Variants in PCDHGA5 observed in about 807,000 individuals in gnomAD.
The protein encoded by PCDHGA5 is protocadherin gamma-A5.
Under a neutral mutation model 56.7 loss-of-function variants are expected in PCDHGA5, and 36 were observed. The observed-to-expected ratio is 0.64, with a 90% CI of 0.49 to 0.84. The LOEUF (loss-of-function observed/expected upper bound fraction) is 0.84, where lower values mean the gene tolerates loss of function less well. Among genes scored for constraint, PCDHGA5 ranks in the 40% least tolerant of loss-of-function variants. PCDHGA5 has a pLI of 0.00. For synonymous variants in PCDHGA5, 563 were observed against 520.2 expected (o/e 1.08, Z -1.12); for missense variants, 1,305 against 1,201.5 (o/e 1.09, Z -1.27).
Position 141,394,271 on chromosome 5 carries a change from G to C in PCDHGA5, c.2421+27520G>C, listed in dbSNP as rs768847661. The stretch of plus-strand genomic sequence containing the variant: ...ACCCCGACAGCCAGGAGAATGCCCA[G>C]GTCACTTACTCTGTGACCGAGGACA... On this transcript the variant is annotated intron_variant, in intron 1 of 3. Transcript: ENST00000518069. 9 of 1,613,862 alleles carry C rather than the reference G, an allele frequency of 5.6e-6. No individual in the cohort carries two copies. In the South Asian group the frequency reaches 9.9e-5, roughly 18 times the overall value.
chr5:141,484,869 G>C (rs2154580238), intron 1 of PCDHGA5: 1 of 292,558 alleles, frequency 3.4e-6, no homozygotes, highest in African/African-American at 2.2e-5. Flanking sequence ...GGGGGAGCGT[G>C]GAGGATAGGG....
chr5:141,474,566 G>A (rs2154572064), intron 1 of PCDHGA5, among the ~76,000 whole-genome samples: 1 of 152,336 alleles, frequency 6.6e-6, no homozygotes, highest in Non-Finnish European at 1.5e-5. Flanking sequence ...GGTTTTCAGA[G>A]ATTAATTGAA....
chr5:141,382,342 T>A (rs1481008486), intron 1 of PCDHGA5, among the ~76,000 whole-genome samples: 1 of 152,250 alleles, frequency 6.6e-6, no homozygotes, highest in East Asian at 1.9e-4. Context: ...GTAAAATCTT[T>A]CATATGTATT....
At chr5:141,415,132 C>T (rs752622569) in intron 1 of PCDHGA5, 4 of 1,613,696 alleles carry the variant, frequency 2.5e-6, no homozygotes, top group Non-Finnish European at 3.4e-6. Flanking sequence ...CGTCCAGGAC[C>T]ACGGCCAGCC....
At chr5:141,383,757 T>A (rs557236350) in intron 1 of PCDHGA5, 1 of 1,613,992 alleles carries the variant, frequency 6.2e-7, no homozygotes, top group East Asian at 2.2e-5. Context: ...AAATAACTCC[T>A]AAACTTCCAA....
chr5:141,382,890 C>A, intron 1 of PCDHGA5: 2 of 1,532,810 alleles, frequency 1.3e-6, no homozygotes, highest in Non-Finnish European at 1.8e-6. Flanking sequence ...GCAAGAGAAG[C>A]AGGACGACTA....
At chr5:141,401,368 A>G (rs2094146364) in intron 1 of PCDHGA5, among the ~76,000 whole-genome samples, 3 of 152,186 alleles carry the variant, frequency 2.0e-5, no homozygotes, top group Admixed American at 2.0e-4. Flanking sequence ...GAAGGAGAGG[A>G]AGAAGAAGAA....
At chr5:141,394,727 C>A in intron 1 of PCDHGA5, 1 of 1,613,436 alleles carries the variant, frequency 6.2e-7, no homozygotes, top group East Asian at 2.2e-5. Flanking sequence ...GAGATGCGCT[C>A]AAGCAGAGCC....
Position 141,491,665 on chromosome 5 carries a change from C to G in PCDHGA5, c.2422-3142C>G. The stretch of plus-strand genomic sequence containing the variant: ...TCTGGCGCTGGAGCCTGACGCCATC[C>G]GGTCCCGCTCTAATACGCTGCGGGA... On this transcript the variant is annotated intron_variant, in intron 1 of 3. Transcript: ENST00000518069. This position sits in a 1 kb window ranked among gnomAD's most constrained non-coding sequence, Gnocchi z 6.9. 1 of 1,613,764 alleles carries G rather than the reference C, an allele frequency of 6.2e-7. No homozygotes were observed. Among genetic ancestry groups the G allele is most frequent in the Non-Finnish European group, 8.5e-7 (1 of 1,180,000 alleles).
At chr5:141,464,982 T>A (rs914697541) in intron 1 of PCDHGA5, among the ~76,000 whole-genome samples, 1 of 152,030 alleles carries the variant, frequency 6.6e-6, no homozygotes, top group Non-Finnish European at 1.5e-5. Context: ...CTTCAAGTGA[T>A]CCTCCCACCT....
In PCDHGA5 at chr5:141,491,283, C is replaced by G; in HGVS notation, c.2422-3524C>G. ...AAATGCCCAAATCCAGTGACTTCCT[C>G]ATACACCCTCCTGAGCGTTCAGACC... On this transcript the variant is annotated intron_variant, in intron 1 of 3. Coordinates refer to ENST00000518069, the MANE Select transcript of PCDHGA5 (RefSeq NM_018918.3). The surrounding 1 kb of genome is among the most constrained non-coding windows in gnomAD (Gnocchi z 6.9). The G allele has an allele frequency of 1.2e-6, 2 of 1,614,164 alleles. No homozygotes were observed.
Position 141,487,341 on chromosome 5 carries a change from TC to T in PCDHGA5, c.2422-7465del, listed in dbSNP as rs778559139. Reference sequence around the variant, plus strand: ...TGTCTTCGTGGGGCAGCCTGTGGAGTCACATGCTTTCCTGCTGGCACCTGTG... The same window carrying T: ...TGTCTTCGTGGGGCAGCCTGTGGAGTACATGCTTTCCTGCTGGCACCTGTG... On this transcript the variant is annotated intron_variant, in intron 1 of 3. Transcript: ENST00000518069. This position sits in a 1 kb window ranked among gnomAD's most constrained non-coding sequence, Gnocchi z 5.0. 1 of 1,614,012 alleles carries T rather than the reference TC, an allele frequency of 6.2e-7. No homozygotes were observed. The highest frequency in any genetic ancestry group is 1.1e-5 in the South Asian group (1 of 91,074).
chr5:141,399,387 CACAG>C, intron 1 of PCDHGA5: 4 of 1,614,028 alleles, frequency 2.5e-6, no homozygotes, highest in Non-Finnish European at 2.5e-6. Context: ...CCATCACAGC[CACAG>C]ACAGGGGCAA....
chr5:141,385,037 C>T, intron 1 of PCDHGA5: 1 of 1,614,148 alleles, frequency 6.2e-7, no homozygotes, highest in Non-Finnish European at 8.5e-7. Context: ...GTACTGCTGG[C>T]GCTCAGGCTG....
chr5:141,481,658 T>C (rs910422064), intron 1 of PCDHGA5, among the ~76,000 whole-genome samples: 2 of 150,554 alleles, frequency 1.3e-5, no homozygotes, highest in East Asian at 2.0e-4. Context: ...TCTCTACTAA[T>C]AATACAAAAA....
At chr5:141,388,195 T>C in intron 1 of PCDHGA5, 1 of 1,563,830 alleles carries the variant, frequency 6.4e-7, no homozygotes, top group Non-Finnish European at 8.8e-7. Flanking sequence ...GCTTGTGCTC[T>C]GGAATTTGAG....
intron 1 of PCDHGA5, chr5:141,383,762 T>G (rs777698869): frequency 4.3e-6 from 7 of 1,613,846 alleles, no homozygotes; most frequent in Non-Finnish European, 5.9e-6. Context: ...ACTCCTAAAC[T>G]TCCAAAGATG....
At chr5:141,368,055 A>G (rs531662241) in intron 1 of PCDHGA5, among the ~76,000 whole-genome samples, 10 of 152,346 alleles carry the variant, frequency 6.6e-5, no homozygotes, top group Non-Finnish European at 1.0e-4. Flanking sequence ...TAATGAAAGA[A>G]CTACTATATT....
At chr5:141,406,072 C>CTT (rs530474569) in intron 1 of PCDHGA5, among the ~76,000 whole-genome samples, 28 of 141,510 alleles carry the variant, frequency 2.0e-4, no homozygotes, top group East Asian at 4.1e-4. Context: ...ATTCTTACTC[C>CTT]TTTTTTTTTT....
Sources: gnomAD v4.1 joint callset for allele counts (sites outside exome capture counted in the v4.1 genomes callset) on GRCh38, gnomAD v4.1.1 for gene constraint, Gnocchi (gnomAD v3.1) non-coding constraint, MANE v1.5 for transcripts, NCBI Gene and HGNC (gene_info 2026-07-23, HGNC 2026-07-21) for gene names.